Variants in GREM2 observed in about 807,000 individuals in gnomAD.
The protein encoded by GREM2 is gremlin 2, DAN family BMP antagonist.
Under a neutral mutation model 14.2 loss-of-function variants are expected in GREM2, and 11 were observed. That is an observed-to-expected ratio of 0.78 (90% confidence interval 0.49 to 1.28). GREM2 has a LOEUF of 1.28. Among genes scored for constraint, GREM2 ranks in the 50% most tolerant of loss-of-function variants. GREM2 has a pLI of 0.00. For missense variants in GREM2, 210 were observed against 218.5 expected, an observed-to-expected ratio of 0.96 and a Z score of 0.24; for synonymous variants, 98 against 97.6, an observed-to-expected ratio of 1.00 and a Z score of -0.02.
At chr1:240,594,082 T>C (rs1679767151) in intron 1 of GREM2, among the ~76,000 whole-genome samples, 1 of 152,028 alleles carries the variant, frequency 6.6e-6, no homozygotes, top group Non-Finnish European at 1.5e-5. Context: ...GCCTTTCAAG[T>C]AGCTGGGACC....
At chr1:240,529,239 CTTT>C (rs36061225) in intron 1 of GREM2, among the ~76,000 whole-genome samples, 11 of 96,070 alleles carry the variant, frequency 1.1e-4, no homozygotes, top group Admixed American at 1.1e-4. Flanking sequence ...AGTGGATAGG[CTTT>C]TTTTTTTTTT....
intron 1 of GREM2, among the ~76,000 whole-genome samples, chr1:240,512,961 G>T (rs4269762): frequency 6.6e-6 from 1 of 151,544 alleles, no homozygotes; most frequent in African/African-American, 2.4e-5. Context: ...CAGGTGCAGT[G>T]GTGGGTACTA....
rs572415936 is a variant in GREM2 at position 240,583,887 on chromosome 1, C to T, written c.-2+27997G>A. Among the ~76,000 whole-genome samples the T allele has an allele frequency of 7.2e-5, 11 of 152,164 alleles. No homozygotes were observed. In the South Asian group the frequency reaches 2.1e-3, roughly 29 times the overall value. ...AAAGTGCTGGGATTACAGGCATGAG[C>T]CACCGCGCCCAGCCTTCATCTCTAT... On this transcript the variant is annotated intron_variant, in intron 1 of 1. Coordinates refer to ENST00000318160, the MANE Select transcript of GREM2 (RefSeq NM_022469.4).
rs1413694134 is a variant in GREM2, at chr1:240,611,988, T to G, written c.-106A>C. ...CTCTAGTCCACAGCGGGGTCTAAGT[T>G]TGGTCTCCCGCCGCCGCTTTCAGTT... On this transcript the variant is annotated 5_prime_UTR_variant, in exon 1 of 2. Coordinates refer to ENST00000318160, the MANE Select transcript of GREM2 (RefSeq NM_022469.4). 6.5e-6 allele frequency: 1 copy of G among 152,768 alleles called. No homozygotes were observed. The highest frequency in any genetic ancestry group is 1.5e-5 in the Non-Finnish European group (1 of 68,160). The allele number at this position is 152,768 out of a possible 1,614,324, so 9.5% of individuals were successfully genotyped here. A position where few individuals can be genotyped will look rare whatever the true frequency, so the allele number is the denominator to read the frequency against.
chr1:240,519,504 A>G (rs1408597407), intron 1 of GREM2, among the ~76,000 whole-genome samples: 1 of 152,172 alleles, frequency 6.6e-6, no homozygotes, highest in Non-Finnish European at 1.5e-5. Context: ...AGTTTCAAAA[A>G]TTATTTTTGG....
intron 1 of GREM2, among the ~76,000 whole-genome samples, chr1:240,547,459 CGCT>C (rs1678757620): frequency 6.9e-6 from 1 of 145,804 alleles, no homozygotes; most frequent in African/African-American, 2.5e-5. Context: ...GAAATCACAC[CGCT>C]GCACTCCAGC....
At chr1:240,567,232 T>C (rs1000435331) in intron 1 of GREM2, among the ~76,000 whole-genome samples, 9 of 152,192 alleles carry the variant, frequency 5.9e-5, no homozygotes, top group East Asian at 5.8e-4. Context: ...AATATATGTA[T>C]AACTGAAATC....
intron 1 of GREM2, chr1:240,588,570 A>G (rs1179584871): frequency 6.6e-6 from 1 of 152,160 alleles, no homozygotes; most frequent in Non-Finnish European, 1.5e-5. Flanking sequence ...TATTTTTCAC[A>G]TAGAAAAACT....
chr1:240,559,220 A>T (rs1300930066), intron 1 of GREM2, among the ~76,000 whole-genome samples: 1 of 152,166 alleles, frequency 6.6e-6, no homozygotes, highest in Non-Finnish European at 1.5e-5. Flanking sequence ...GCATGATTTT[A>T]TAACCTCATA....
rs113447486 is a variant in GREM2 at position 240,568,929 on chromosome 1, T to C, written c.-2+42955A>G. Among the ~76,000 whole-genome samples the C allele has an allele frequency of 7.0e-3, 1,062 of 152,258 alleles. 9 individuals carry two copies. Among genetic ancestry groups the C allele is most frequent in the African/African-American group, 0.024 (982 of 41,538 alleles). Reference sequence around the variant, plus strand: ...AGCCAGGCACAGTAGCTCACACCTGTAATCCCAGCTAATTGGGAGGCTGAG... The same window carrying C: ...AGCCAGGCACAGTAGCTCACACCTGCAATCCCAGCTAATTGGGAGGCTGAG... On this transcript the variant is annotated intron_variant, in intron 1 of 1. Coordinates refer to ENST00000318160, the MANE Select transcript of GREM2 (RefSeq NM_022469.4).
intron 1 of GREM2, among the ~76,000 whole-genome samples, chr1:240,572,732 G>T (rs1679283375): frequency 6.6e-6 from 1 of 152,150 alleles, no homozygotes; most frequent in Non-Finnish European, 1.5e-5. Context: ...AATTGTGATG[G>T]AACTGACTAA....
At chr1:240,551,326 G>C (rs1158517016) in intron 1 of GREM2, among the ~76,000 whole-genome samples, 3 of 144,518 alleles carry the variant, frequency 2.1e-5, no homozygotes, top group Non-Finnish European at 4.5e-5. Context: ...CAGTATAATA[G>C]GTTTACCTTG....
chr1:240,545,671 T>C (rs1230507336), intron 1 of GREM2, among the ~76,000 whole-genome samples: 2 of 152,158 alleles, frequency 1.3e-5, no homozygotes. Context: ...GCGTCAGAAC[T>C]GAATTGAGTT....
chr1:240,588,600 A>G (rs1214551431), intron 1 of GREM2: 1 of 152,190 alleles, frequency 6.6e-6, no homozygotes, highest in East Asian at 1.9e-4. Flanking sequence ...TTTAGTCTCT[A>G]AGAGCTTTTT....
rs191554771 is a variant in GREM2 at position 240,575,624 on chromosome 1, G to T, written c.-2+36260C>A. Among the ~76,000 whole-genome samples the T allele has an allele frequency of 2.3e-3, 344 of 151,760 alleles. 2 individuals are homozygous for T. Among genetic ancestry groups the T allele is most frequent in the African/African-American group, 7.3e-3 (301 of 41,314 alleles). On this transcript the variant is annotated intron_variant, in intron 1 of 1. Coordinates refer to ENST00000318160, the MANE Select transcript of GREM2 (RefSeq NM_022469.4). ...CAATCTCCGCCTCCCGGGTTCAAGC[G>T]ATTCTCCTGACTCAGTCTCCTGAAT...
intron 1 of GREM2, among the ~76,000 whole-genome samples, chr1:240,534,580 T>C (rs1485463381): frequency 1.3e-5 from 2 of 151,472 alleles, no homozygotes; most frequent in Admixed American, 6.6e-5. Flanking sequence ...TAGTCCCAGC[T>C]ACTCCGGGAG....
At chr1:240,552,351 TG>T (rs1247902205) in intron 1 of GREM2, among the ~76,000 whole-genome samples, 1 of 151,756 alleles carries the variant, frequency 6.6e-6, no homozygotes, top group Non-Finnish European at 1.5e-5. Context: ...GAGGCTGAGG[TG>T]GGGGGGTCGC....
At chr1:240,562,027 G>C (rs1679050201) in intron 1 of GREM2, among the ~76,000 whole-genome samples, 1 of 152,066 alleles carries the variant, frequency 6.6e-6, no homozygotes. Flanking sequence ...ATGAAGAATT[G>C]ACTAATTAAA....
chr1:240,496,252 C>T (rs993439439), intron 1 of GREM2, among the ~76,000 whole-genome samples: 4 of 152,204 alleles, frequency 2.6e-5, no homozygotes, highest in Admixed American at 6.5e-5. Context: ...CTCACAGGGT[C>T]GGACGAGCCT....
Sources: allele counts gnomAD v4.1 joint callset (sites outside exome capture counted in the v4.1 genomes callset), GRCh38; gene constraint gnomAD v4.1.1; transcripts MANE v1.5; gene names NCBI Gene and HGNC (gene_info 2026-07-23, HGNC 2026-07-21).